B4GALT6: variants seen among roughly 807,000 people sequenced by gnomAD.
B4GALT6 encodes the protein UDP-Gal:beta-GlcNAc beta-1,4-galactosyltransferase 6.
A neutral mutation model predicts 46.3 loss-of-function variants in B4GALT6; 14 were observed. The observed-to-expected ratio is 0.30, with a 90% CI of 0.20 to 0.47. The LOEUF (loss-of-function observed/expected upper bound fraction) is 0.47. Ranked by LOEUF, B4GALT6 falls within the 20% of genes least tolerant of loss-of-function variation. B4GALT6 has a pLI of 0.99. For synonymous variants in B4GALT6, 168 were observed against 162.0 expected (o/e 1.04, Z -0.28); for missense variants, 386 against 480.1 (o/e 0.80, Z 1.83).
chr18:31,709,459 G>A, the B4GALT6 span, among the ~76,000 whole-genome samples: 4 of 121,326 alleles, frequency 3.3e-5, no homozygotes, highest in African/African-American at 7.5e-5. Context: ...ATATATATAT[G>A]GTATATTCTC....
Position 31,622,613 on chromosome 18 carries a change from T to C in B4GALT6, c.*3001A>G, listed in dbSNP as rs984467749. 5 of 152,062 alleles carry C rather than the reference T, an allele frequency of 3.3e-5. No individual in the cohort carries two copies. The highest frequency in any genetic ancestry group is 5.9e-5 in the Non-Finnish European group (4 of 67,916). 9.4% of individuals were successfully genotyped at this position (152,062 alleles called of 1,614,324 possible). The stretch of plus-strand genomic sequence containing the variant: ...AAGAGAATATTGTATTGGACATTTT[T>C]CCATTTTGTTTTAAAATATCAGTAT... On this transcript the variant is annotated 3_prime_UTR_variant, in exon 9 of 9. Coordinates refer to ENST00000306851, the MANE Select transcript of B4GALT6 (RefSeq NM_004775.5).
rs745477640 is a variant in B4GALT6, at chr18:31,684,477, G to A, written c.-51C>T. 10 of 1,595,002 alleles carry A rather than the reference G, an allele frequency of 6.3e-6. No homozygotes were observed. In the South Asian group the frequency reaches 1.1e-4, roughly 18 times the overall value. ...GGCTGCGCTCTCAGGCCGGACTCGG[G>A]GCCACTGTCCAGGCCCTAAACTTCC... On this transcript the variant is annotated 5_prime_UTR_variant, in exon 1 of 9. Transcript: ENST00000306851.
intron 1 of B4GALT6, among the ~76,000 whole-genome samples, chr18:31,672,263 A>G (rs1245965058): frequency 2.0e-5 from 3 of 152,210 alleles, no homozygotes; most frequent in Non-Finnish European, 4.4e-5. Context: ...TCTAGTGAAT[A>G]AATGATTTTG....
At chr18:31,712,678 A>T in the B4GALT6 span, among the ~76,000 whole-genome samples, 3 of 152,018 alleles carry the variant, frequency 2.0e-5, no homozygotes, top group African/African-American at 7.3e-5. Context: ...GAACACTTTG[A>T]TTTCTTCCTT....
chr18:31,691,821 G>A, the B4GALT6 span, among the ~76,000 whole-genome samples: 6 of 152,084 alleles, frequency 3.9e-5, no homozygotes, highest in African/African-American at 7.2e-5. Context: ...GACTAGCAAC[G>A]TCCTCTCTTA....
intron 3 of B4GALT6, among the ~76,000 whole-genome samples, chr18:31,655,729 T>A (rs926328611): frequency 6.6e-6 from 1 of 152,158 alleles, no homozygotes; most frequent in Non-Finnish European, 1.5e-5. Context: ...ATTATTGTAA[T>A]CAATATTTCA....
At position 31,634,301 on chromosome 18, in the gene B4GALT6, A is replaced by T. The variant is rs556596593; in HGVS notation, c.589-3155T>A. ...GGAAAAAGTTTCTACAAGATACAAC[A>T]GAGTAATGACCTGGCAGTACAAGTA... On this transcript the variant is annotated intron_variant, in intron 5 of 8. Transcript: ENST00000306851. Among the ~76,000 whole-genome samples the T allele has an allele frequency of 2.0e-5, 3 of 152,338 alleles. No individual in the cohort carries two copies. The East Asian group carries it at 5.8e-4, about 29-fold the overall frequency.
chr18:31,636,923 G>A (rs2073866295), intron 5 of B4GALT6, among the ~76,000 whole-genome samples: 1 of 152,196 alleles, frequency 6.6e-6, no homozygotes, highest in Admixed American at 6.5e-5. Flanking sequence ...CCAGGTTCAA[G>A]CACTTCCCTG....
Position 31,625,374 on chromosome 18 carries a change from C to A in B4GALT6, c.*240G>T. The A allele has an allele frequency of 2.5e-6, 1 of 406,062 alleles. No individual in the cohort carries two copies. 25.2% of individuals were successfully genotyped at this position (406,062 alleles called of 1,614,324 possible). A position where few individuals can be genotyped will look rare whatever the true frequency, so the allele number is the denominator to read the frequency against. On this transcript the variant is annotated 3_prime_UTR_variant, in exon 9 of 9. Coordinates refer to ENST00000306851, the MANE Select transcript of B4GALT6 (RefSeq NM_004775.5). ...CTTCGGAGGGAGCTCTCTTAACTTC[C>A]GATCTTAAGTAGTGGCTTCCCGTTT...
chr18:31,704,089 TA>T, the B4GALT6 span, among the ~76,000 whole-genome samples: 1 of 151,954 alleles, frequency 6.6e-6, no homozygotes, highest in African/African-American at 2.4e-5. Context: ...GCAACAAATA[TA>T]AAAACATCAA....
At chr18:31,712,287 A>ATTTTTTTTTT in the B4GALT6 span, among the ~76,000 whole-genome samples, 132 of 84,628 alleles carry the variant, frequency 1.6e-3, 17 homozygotes, top group Non-Finnish European at 2.1e-3. Flanking sequence ...CTGGGACGTT[A>ATTTTTTTTTT]TTTTTTTTTT....
intron 1 of B4GALT6, among the ~76,000 whole-genome samples, chr18:31,683,263 T>A (rs906263674): frequency 1.3e-5 from 2 of 152,230 alleles, no homozygotes; most frequent in Admixed American, 1.3e-4. Flanking sequence ...TCATTCCATC[T>A]GAAAATTCTG....
chr18:31,634,554 G>A (rs1409208671), intron 5 of B4GALT6, among the ~76,000 whole-genome samples: 1 of 152,118 alleles, frequency 6.6e-6, no homozygotes, highest in Non-Finnish European at 1.5e-5. Context: ...ACCGAAACGT[G>A]TGAAAATCTC....
At chr18:31,722,864 T>C in the B4GALT6 span, among the ~76,000 whole-genome samples, 2 of 152,208 alleles carry the variant, frequency 1.3e-5, no homozygotes, top group Admixed American at 6.5e-5. Flanking sequence ...CCAAGACCTC[T>C]TTATTACTCA....
chr18:31,665,648 G>C (rs1221108404), intron 2 of B4GALT6, among the ~76,000 whole-genome samples: 1 of 152,150 alleles, frequency 6.6e-6, no homozygotes, highest in Non-Finnish European at 1.5e-5. Flanking sequence ...AGACTGAGGC[G>C]TGAGAATGGC....
chr18:31,692,148 C>T, the B4GALT6 span, among the ~76,000 whole-genome samples: 5 of 152,040 alleles, frequency 3.3e-5, no homozygotes, highest in African/African-American at 1.2e-4. Context: ...CATTGCTTTT[C>T]AATTTGAGTC....
intron 1 of B4GALT6, among the ~76,000 whole-genome samples, chr18:31,667,920 C>T (rs561885870): frequency 1.3e-5 from 2 of 151,984 alleles, no homozygotes; most frequent in East Asian, 1.9e-4. Flanking sequence ...CATGGTGAAA[C>T]CCCATCTCTA....
chr18:31,668,034 T>C (rs1254219115), intron 1 of B4GALT6, among the ~76,000 whole-genome samples: 2 of 150,852 alleles, frequency 1.3e-5, no homozygotes, highest in African/African-American at 4.9e-5. Context: ...GAGACAGAGG[T>C]TGCAGTGAGC....
chr18:31,685,244 T>C (rs2074532435), upstream of B4GALT6, among the ~76,000 whole-genome samples: 1 of 149,758 alleles, frequency 6.7e-6, no homozygotes, highest in South Asian at 2.1e-4. Flanking sequence ...GCGCCCGGGG[T>C]GAGGCGCCCC....
Sources: gnomAD v4.1 joint callset for allele counts (sites outside exome capture counted in the v4.1 genomes callset) on GRCh38, gnomAD v4.1.1 for gene constraint, MANE v1.5 for transcripts, NCBI Gene and HGNC (gene_info 2026-07-23, HGNC 2026-07-21) for gene names.